The following NBPF20 variants were observed in gnomAD, a reference collection of about 807,000 sequenced individuals.
The protein encoded by NBPF20 is NBPF member 20.
Under a neutral mutation model 68.1 loss-of-function variants are expected in NBPF20, and 90 were observed. The observed-to-expected ratio is 1.32, with a 90% CI of 1.11 to 1.58. The LOEUF (loss-of-function observed/expected upper bound fraction) is 1.58. Ranked by LOEUF, NBPF20 falls within the 40% of genes most tolerant of loss-of-function variation. NBPF20 has a pLI of 0.00. For missense variants in NBPF20, 816 were observed against 601.2 expected (o/e 1.36, Z -3.74); for synonymous variants, 290 against 228.1 (o/e 1.27, Z -2.45).
intron 112 of NBPF20, 86 bp from the exon 118 acceptor site, chr1:145,311,574 C>A (rs2101456184): frequency 6.5e-6 from 1 of 154,360 alleles, no homozygotes; most frequent in East Asian, 1.6e-4. Context: ...CACACAGGGA[C>A]TTCAGGCTCC....
intron 3 of NBPF20, 66 bp downstream of exon 8, chr1:145,403,150 C>A (rs1179485665): frequency 1.9e-6 from 3 of 1,594,432 alleles, no homozygotes; most frequent in Admixed American, 3.3e-5. Context: ...CGTCTCCCCA[C>A]CGAGCTGCTG....
intron 133 of NBPF20, 90 bp from the exon 139 acceptor site, chr1:145,295,044 G>C (rs1661264243): frequency 7.3e-5 from 21 of 289,034 alleles, no homozygotes; most frequent in South Asian, 5.2e-4. Flanking sequence ...ATAAGGAACT[G>C]TTTAAAAAGA....
chr1:145,406,285 T>A (rs1193773210), upstream of NBPF20, among the ~76,000 whole-genome samples: 1 of 151,334 alleles, frequency 6.6e-6, no homozygotes, highest in Non-Finnish European at 1.5e-5. Flanking sequence ...TTTGATTGTG[T>A]TTTTCCCTTG....
At chr1:145,291,485 C>T (rs782743163) in exon 138 of NBPF20, 2 of 1,611,996 alleles carry the variant, frequency 1.2e-6, no homozygotes, top group Admixed American at 1.7e-5. Context: ...CCTATAGGTC[C>T]TGCCTGCAGG....
chr1:145,398,834 A>C (rs1159705907), intron 7 of NBPF20, among the ~76,000 whole-genome samples: 11 of 150,764 alleles, frequency 7.3e-5, no homozygotes, highest in African/African-American at 2.0e-4. Context: ...TGGCTAGTTC[A>C]CCTGGCTCAT....
At chr1:145,399,860 G>A (rs1243013526) in intron 6 of NBPF20, among the ~76,000 whole-genome samples, 2 of 147,294 alleles carry the variant, frequency 1.4e-5, no homozygotes, top group Admixed American at 6.9e-5. Context: ...GAGAACCAGG[G>A]TCCAGCCTTG....
chr1:145,424,561 C>A, the NBPF20 span, among the ~76,000 whole-genome samples: 1 of 152,244 alleles, frequency 6.6e-6, no homozygotes, highest in South Asian at 2.1e-4. Context: ...CACTGTAACC[C>A]AAAGAAAAGG....
exon 4 of NBPF20, chr1:145,402,378 T>C: frequency 1.9e-6 from 3 of 1,603,362 alleles, no homozygotes; most frequent in Non-Finnish European, 2.6e-6. Flanking sequence ...GGACTTTATA[T>C]TGCCTAAGGT....
chr1:145,291,596 T>C (rs587632904), exon 138 of NBPF20: 36 of 1,611,978 alleles, frequency 2.2e-5, no homozygotes, highest in African/African-American at 5.3e-5. Context: ...AAAAAACCTA[T>C]TGTCCACGTA....
chr1:145,311,945 A>C (rs2101458784), intron 112 of NBPF20, among the ~76,000 whole-genome samples: 1 of 104,872 alleles, frequency 9.5e-6, no homozygotes, highest in South Asian at 3.1e-4. Flanking sequence ...TGAATTTGTC[A>C]CATCTGCCCA....
chr1:145,291,707 C>A (rs782217993), exon 138 of NBPF20: 4 of 1,611,816 alleles, frequency 2.5e-6, no homozygotes, highest in East Asian at 2.2e-5. Context: ...AGTAGAATAA[C>A]ATCCATCCAG....
intron 135 of NBPF20, 21 bp from the exon 141 acceptor site, chr1:145,293,397 A>G (rs1553658617): frequency 6.4e-4 from 3 of 4,664 alleles, no homozygotes; most frequent in South Asian, 4.7e-3. Context: ...AGGAAAAAGT[A>G]AAGAATAAGC....
the NBPF20 span, among the ~76,000 whole-genome samples, chr1:145,411,135 T>C: frequency 7.9e-4 from 115 of 146,066 alleles, 2 homozygotes; most frequent in Middle Eastern, 0.014. Context: ...TTCTTGATCA[T>C]TGACATTACC....
chr1:145,372,622 C>T, exon 36 of NBPF20: 1 of 189,484 alleles, frequency 5.3e-6, no homozygotes, highest in Non-Finnish European at 9.0e-6. Flanking sequence ...AGTCGAATAA[C>T]ATCTATCCAG....
At chr1:145,410,815 CGTATAT>C in the NBPF20 span, among the ~76,000 whole-genome samples, 1 of 27,210 alleles carries the variant, frequency 3.7e-5, no homozygotes, top group Non-Finnish European at 7.6e-5. Flanking sequence ...TATATATATA[CGTATAT>C]ATATATATAT....
the NBPF20 span, among the ~76,000 whole-genome samples, chr1:145,419,151 G>A: frequency 7.2e-6 from 1 of 139,822 alleles, no homozygotes; most frequent in Admixed American, 7.1e-5. Flanking sequence ...AAGGAAGGAA[G>A]GAAGGGAGGG....
the NBPF20 span, among the ~76,000 whole-genome samples, chr1:145,415,183 TG>T: frequency 1.3e-5 from 2 of 151,732 alleles, no homozygotes; most frequent in South Asian, 4.2e-4. Context: ...AAAAGTGCTG[TG>T]CTTTTGATGT....
chr1:145,393,726 A>C (rs1571360786), intron 9 of NBPF20, 158 bp downstream of exon 14: 1 of 1,504,276 alleles, frequency 6.6e-7, no homozygotes, highest in East Asian at 2.3e-5. Flanking sequence ...GGAAACCTAA[A>C]CATGTACTCT....
chr1:145,415,155 C>T, the NBPF20 span, among the ~76,000 whole-genome samples: 2 of 151,618 alleles, frequency 1.3e-5, no homozygotes, highest in Non-Finnish European at 2.9e-5. Context: ...GTCTCTGCAT[C>T]ATAAACAAGG....
Sources: allele counts gnomAD v4.1 joint callset (sites outside exome capture counted in the v4.1 genomes callset), GRCh38; gene constraint gnomAD v4.1.1; transcripts MANE v1.5; gene names NCBI Gene and HGNC (gene_info 2026-07-23, HGNC 2026-07-21).